The following ADGRV1 variants were observed in gnomAD, a reference collection of about 807,000 sequenced individuals.
ADGRV1 encodes G-protein coupled receptor 98.
Under a neutral mutation model 596.2 loss-of-function variants are expected in ADGRV1, and 359 were observed. The observed-to-expected ratio is 0.60, with a 90% CI of 0.55 to 0.66. The LOEUF (loss-of-function observed/expected upper bound fraction) is 0.66. Ranked by LOEUF, ADGRV1 falls within the 30% of genes least tolerant of loss-of-function variation. The probability of loss-of-function intolerance (pLI) is 0.00; values close to 1 mark genes in which losing one functional copy is unlikely to be tolerated. For synonymous variants in ADGRV1, 2,681 were observed against 2,679.2 expected, an observed-to-expected ratio of 1.00 and a Z score of -0.02; for missense variants, 7,274 against 7,575.6, an observed-to-expected ratio of 0.96 and a Z score of 1.48.
chr5:91,027,670 T>C (rs1784127640), intron 85 of ADGRV1, among the ~76,000 whole-genome samples: 1 of 152,176 alleles, frequency 6.6e-6, no homozygotes. Flanking sequence ...TACTATGCTT[T>C]ATACATTGGT....
intron 1 of ADGRV1, among the ~76,000 whole-genome samples, chr5:90,583,763 G>A (rs1457830834): frequency 2.0e-5 from 3 of 152,116 alleles, no homozygotes; most frequent in African/African-American, 7.2e-5. Flanking sequence ...AGGTGTAAGG[G>A]CTTTTCTATT....
intron 76 of ADGRV1, among the ~76,000 whole-genome samples, chr5:90,825,160 C>G (rs1763967439): frequency 6.6e-6 from 1 of 152,136 alleles, no homozygotes; most frequent in South Asian, 2.1e-4. Flanking sequence ...TAGTCTGGAA[C>G]TTATAGCCTC....
At position 90,675,287 on chromosome 5, in the gene ADGRV1, G is replaced by T. The variant is rs777001637; in HGVS notation, c.5155G>T (p.Ala1719Ser). The T allele has an allele frequency of 1.2e-6, 2 of 1,613,604 alleles. No individual in the cohort carries two copies. The highest frequency in any genetic ancestry group is 1.3e-5 in the African/African-American group (1 of 74,916). ...STGLPPQPKDAMTLPASSVPH... is the reference protein window; with the variant it reads ...STGLPPQPKDSMTLPASSVPH... ...AGGGCTGCCTCCTCAGCCTAAGGAC[G>T]CAATGACCCTGCCTGCAAGCAGCGT... is the stretch of plus-strand genomic sequence containing the variant. Residue 1719 changes from alanine to serine, a missense_variant, in exon 24 of 90, where the codon GCA becomes TCA. Transcript: ENST00000405460.
intron 75 of ADGRV1, among the ~76,000 whole-genome samples, chr5:90,821,018 C>T (rs1251613084): frequency 6.6e-6 from 1 of 152,036 alleles, no homozygotes; most frequent in Non-Finnish European, 1.5e-5. Flanking sequence ...TGTTTTCCAC[C>T]TTGGTTCCAT....
At position 91,046,482 on chromosome 5, in the gene ADGRV1, C is replaced by T. The variant is rs552781325; in HGVS notation, c.18153-25965C>T. Among the ~76,000 whole-genome samples, 10 of 152,280 alleles carry T rather than the reference C, an allele frequency of 6.6e-5. No individual in the cohort carries two copies. In the East Asian group the frequency reaches 1.4e-3, roughly 21 times the overall value. ...CACATGTAGGAGGATGAAACAGGAT[C>T]CTCATCTCTCACCTTATATAGAAAT... On this transcript the variant is annotated intron_variant, in intron 85 of 89. Coordinates refer to ENST00000405460, the MANE Select transcript of ADGRV1 (RefSeq NM_032119.4).
At chr5:90,820,905 C>G (rs1763430879) in intron 75 of ADGRV1, among the ~76,000 whole-genome samples, 1 of 152,026 alleles carries the variant, frequency 6.6e-6, no homozygotes, top group African/African-American at 2.4e-5. Context: ...TGGAGTTGCT[C>G]TTCTCGAGGA....
chr5:90,863,218 A>C (rs931984259), intron 82 of ADGRV1, among the ~76,000 whole-genome samples: 4 of 152,228 alleles, frequency 2.6e-5, no homozygotes, highest in Non-Finnish European at 5.9e-5. Flanking sequence ...TTGCAAGATA[A>C]AAGATTTGTT....
chr5:90,558,987 C>G, intron 1 of ADGRV1, 70 bp downstream of exon 1: 6 of 1,397,384 alleles, frequency 4.3e-6, no homozygotes, highest in Non-Finnish European at 5.8e-6. Flanking sequence ...GCATCAGCAC[C>G]TGTTGCTGCA....
chr5:90,896,580 G>A (rs1771347170), intron 83 of ADGRV1, among the ~76,000 whole-genome samples: 2 of 151,898 alleles, frequency 1.3e-5, no homozygotes, highest in African/African-American at 4.8e-5. Flanking sequence ...TGGCTGATTT[G>A]TTATGTATTA....
chr5:90,619,185 TG>T lies in ADGRV1; in HGVS notation c.453+6del. 8.0e-7 allele frequency: 1 copy of T among 1,256,656 alleles called. No homozygotes were observed. Among genetic ancestry groups the T allele is most frequent in the Non-Finnish European group, 1.1e-6 (1 of 921,294 alleles). The allele number at this position is 1,256,656 out of a possible 1,614,324, so 77.8% of individuals were successfully genotyped here. On this transcript the variant is annotated splice_donor_5th_base_variant and intron_variant, in intron 4 of 89. Coordinates refer to ENST00000405460, the MANE Select transcript of ADGRV1 (RefSeq NM_032119.4). The stretch of plus-strand genomic sequence containing the variant: ...TGGAATTATTTCATTTAATATGGTA[TG>T]GACACAATTTGATGATAATTGTGGT...
chr5:90,626,990 A>G (rs575076126), intron 6 of ADGRV1, among the ~76,000 whole-genome samples: 2 of 152,126 alleles, frequency 1.3e-5, no homozygotes, highest in African/African-American at 2.4e-5. Context: ...TACTTGTACT[A>G]TTGCTTCCTT....
At chr5:90,748,575 G>A (rs1288033502) in intron 52 of ADGRV1, among the ~76,000 whole-genome samples, 1 of 152,090 alleles carries the variant, frequency 6.6e-6, no homozygotes, top group African/African-American at 2.4e-5. Flanking sequence ...TGAAGGAGAA[G>A]GCAACCCTAA....
At chr5:91,086,202 A>G (rs1170535607) in intron 86 of ADGRV1, among the ~76,000 whole-genome samples, 1 of 152,158 alleles carries the variant, frequency 6.6e-6, no homozygotes, top group Non-Finnish European at 1.5e-5. Flanking sequence ...CATTTTTTAT[A>G]TCATAGTGAT....
intron 70 of ADGRV1, among the ~76,000 whole-genome samples, chr5:90,799,659 C>A (rs1761140612): frequency 6.6e-6 from 1 of 152,154 alleles, no homozygotes; most frequent in Admixed American, 6.5e-5. Context: ...GGAGGCATCA[C>A]ACTACCTGAC....
chr5:91,057,998 C>T (rs1162514309), intron 85 of ADGRV1, among the ~76,000 whole-genome samples: 1 of 152,120 alleles, frequency 6.6e-6, no homozygotes, highest in Non-Finnish European at 1.5e-5. Flanking sequence ...CCCCTAACCC[C>T]TGGGAATGCA....
intron 70 of ADGRV1, among the ~76,000 whole-genome samples, chr5:90,799,449 C>T (rs902380052): frequency 3.9e-5 from 6 of 152,176 alleles, no homozygotes; most frequent in African/African-American, 1.4e-4. Context: ...AATGGGAAAA[C>T]ATTTCCATGC....
intron 84 of ADGRV1, among the ~76,000 whole-genome samples, chr5:90,981,331 T>C (rs1178485305): frequency 6.6e-6 from 1 of 152,200 alleles, no homozygotes; most frequent in Non-Finnish European, 1.5e-5. Context: ...CGCATTTATC[T>C]CAGTGAGCAG....
chr5:90,717,768 G>T (rs1750346888), intron 43 of ADGRV1: 1 of 152,148 alleles, frequency 6.6e-6, no homozygotes, highest in Admixed American at 6.5e-5. Flanking sequence ...GCCTCCCAAA[G>T]TGCTGGGATT....
chr5:90,778,216 G>T (rs545089256), intron 62 of ADGRV1, among the ~76,000 whole-genome samples, 173 bp downstream of exon 62: 1 of 151,874 alleles, frequency 6.6e-6, no homozygotes, highest in Admixed American at 6.6e-5. Flanking sequence ...GTGTGTGTGT[G>T]TGTGGTGTGT....
Sources: gnomAD v4.1 joint callset for allele counts (sites outside exome capture counted in the v4.1 genomes callset) on GRCh38, gnomAD v4.1.1 for gene constraint, MANE v1.5 for transcripts, NCBI Gene and HGNC (gene_info 2026-07-23, HGNC 2026-07-21) for gene names.